The following FLT1 variants were observed in gnomAD, a reference collection of about 807,000 sequenced individuals.
FLT1 encodes vascular endothelial growth factor receptor 1.
In FLT1, 49 loss-of-function variants were observed where a neutral mutation model predicts 156.3. The ratio of observed to expected loss-of-function variants is 0.31; its 90% confidence interval spans 0.25 to 0.40. FLT1 has a LOEUF of 0.40. FLT1 is among the 10% of genes least tolerant of loss of function. The pLI is 1.00. For missense variants in FLT1, 1,322 were observed against 1,637.2 expected, an observed-to-expected ratio of 0.81 and a Z score of 3.32; for synonymous variants, 594 against 583.8, an observed-to-expected ratio of 1.02 and a Z score of -0.25.
At chr13:28,459,621 C>A (rs1879453102) in intron 3 of FLT1, among the ~76,000 whole-genome samples, 2 of 152,182 alleles carry the variant, frequency 1.3e-5, no homozygotes, top group South Asian at 4.1e-4. Flanking sequence ...GAAATCTATG[C>A]CTAAAAAATT....
chr13:28,342,565 G>T (rs1333178473), intron 16 of FLT1, among the ~76,000 whole-genome samples: 1 of 152,026 alleles, frequency 6.6e-6, no homozygotes, highest in Non-Finnish European at 1.5e-5. Flanking sequence ...TACCATAGAG[G>T]ATGGCTGCTG....
intron 10 of FLT1, among the ~76,000 whole-genome samples, chr13:28,411,019 G>A (rs1258697563): frequency 6.6e-6 from 1 of 152,032 alleles, no homozygotes; most frequent in Non-Finnish European, 1.5e-5. Context: ...AAACTCTGGG[G>A]GGCCTCTAAA....
chr13:28,328,951 C>T (rs917299390), intron 19 of FLT1, among the ~76,000 whole-genome samples: 2 of 152,214 alleles, frequency 1.3e-5, no homozygotes, highest in Non-Finnish European at 1.5e-5. Context: ...TAGCTCCTCT[C>T]TAACCACCTC....
intron 14 of FLT1, among the ~76,000 whole-genome samples, chr13:28,360,425 T>C (rs1410203243): frequency 2.6e-5 from 4 of 152,222 alleles, no homozygotes; most frequent in African/African-American, 7.2e-5. Flanking sequence ...AGCCAAGATA[T>C]GGAGGCAACC....
Position 28,332,700 on chromosome 13 carries a change from A to G in FLT1, c.2593+1325T>C, listed in dbSNP as rs184251338. ...GCAGCTGTGTGGCCTTGCAGAGGCT[A>G]TTTAACCTTTCTTGGCCATGTTTCC... On this transcript the variant is annotated intron_variant, in intron 18 of 29. Coordinates refer to ENST00000282397, the MANE Select transcript of FLT1 (RefSeq NM_002019.4). Among the ~76,000 whole-genome samples, 300 of 152,312 alleles carry G rather than the reference A, an allele frequency of 2.0e-3. 1 individual carries two copies. Among genetic ancestry groups the G allele is most frequent in the Non-Finnish European group, 2.2e-3 (151 of 68,018 alleles).
At chr13:28,311,933 A>G in intron 26 of FLT1, 60 bp downstream of exon 26, 1 of 1,264,792 alleles carries the variant, frequency 7.9e-7, no homozygotes, top group Non-Finnish European at 1.1e-6. Context: ...AAAAAAACAA[A>G]TAAAATGCCC....
chr13:28,362,053 G>A (rs181361365), intron 14 of FLT1, among the ~76,000 whole-genome samples: 31 of 152,348 alleles, frequency 2.0e-4, no homozygotes, highest in African/African-American at 7.2e-4. Context: ...AATCTGGATG[G>A]TGGGAAAGGA....
intron 1 of FLT1, among the ~76,000 whole-genome samples, chr13:28,494,525 C>A (rs999009679): frequency 6.6e-6 from 1 of 152,182 alleles, no homozygotes; most frequent in Admixed American, 6.5e-5. Context: ...AACGGACAGC[C>A]CCAGCGCGGA....
At chr13:28,446,475 T>A (rs1878624764) in intron 3 of FLT1, among the ~76,000 whole-genome samples, 2 of 152,238 alleles carry the variant, frequency 1.3e-5, no homozygotes, top group Admixed American at 6.5e-5. Context: ...GGATACAATG[T>A]ACAAAATGAA....
chr13:28,345,007 C>G (rs890491908), intron 16 of FLT1, among the ~76,000 whole-genome samples: 1 of 151,608 alleles, frequency 6.6e-6, no homozygotes, highest in Non-Finnish European at 1.5e-5. Flanking sequence ...CTTACTATAT[C>G]GGACAGGCTG....
chr13:28,411,375 A>G (rs1248293659), intron 10 of FLT1, among the ~76,000 whole-genome samples: 1 of 151,794 alleles, frequency 6.6e-6, no homozygotes, highest in Non-Finnish European at 1.5e-5. Flanking sequence ...CAATATGGAG[A>G]AACCCTGTCT....
chr13:28,315,807 G>A (rs891930609), intron 25 of FLT1, among the ~76,000 whole-genome samples: 2 of 152,126 alleles, frequency 1.3e-5, no homozygotes, highest in Non-Finnish European at 2.9e-5. Flanking sequence ...TGAGGAACGT[G>A]GGGTCTGTTC....
rs750340870 is a variant in FLT1 at position 28,308,841 on chromosome 13, AC to A, written c.3720+1del. ...ACTAGGTACCTTAACTTCACGACTT[AC>A]ATCAAACATGGAGGTGGCATTCGGT... is the stretch of plus-strand genomic sequence containing the variant. On this transcript the variant is annotated splice_donor_variant, in intron 28 of 29. Transcript: ENST00000282397. LOFTEE classifies it high-confidence loss of function. 1 of 1,602,590 alleles carries A rather than the reference AC, an allele frequency of 6.2e-7. No individual in the cohort carries two copies. Among genetic ancestry groups the A allele is most frequent in the South Asian group, 1.1e-5 (1 of 90,826 alleles).
Position 28,308,759 on chromosome 13 carries a change from C to T in FLT1, c.3720+84G>A, listed in dbSNP as rs1038026545. The T allele has an allele frequency of 4.7e-6, 4 of 857,998 alleles. No homozygotes were observed. In the East Asian group the frequency reaches 7.3e-5, roughly 16 times the overall value. The allele number at this position is 857,998 out of a possible 1,614,324, so 53.1% of individuals were successfully genotyped here. A position where few individuals can be genotyped will look rare whatever the true frequency, so the allele number is the denominator to read the frequency against. Reference sequence around the variant, plus strand: ...CCAGACCCTCACTGACCAAGAACTACTACATTACTGGCGTTGGTGTTTGGA... The same window carrying T: ...CCAGACCCTCACTGACCAAGAACTATTACATTACTGGCGTTGGTGTTTGGA... On this transcript the variant is annotated intron_variant, in intron 28 of 29. Coordinates refer to ENST00000282397, the MANE Select transcript of FLT1 (RefSeq NM_002019.4).
intron 10 of FLT1, among the ~76,000 whole-genome samples, chr13:28,406,758 G>C (rs1304035872): frequency 6.6e-6 from 1 of 152,058 alleles, no homozygotes; most frequent in African/African-American, 2.4e-5. Context: ...CAATCCTGCC[G>C]CTTCAGCCTG....
chr13:28,367,622 AC>A (rs1392477248), intron 14 of FLT1, among the ~76,000 whole-genome samples: 3 of 152,228 alleles, frequency 2.0e-5, no homozygotes, highest in African/African-American at 7.2e-5. Flanking sequence ...AATCCAATTC[AC>A]CATTGAGTAA....
At chr13:28,368,618 A>C in intron 14 of FLT1, 1 of 1,374,180 alleles carries the variant, frequency 7.3e-7, no homozygotes, top group Non-Finnish European at 1.0e-6. Flanking sequence ...TGATGATGAC[A>C]ATGGTGATGA....
At chr13:28,368,398 T>G in intron 14 of FLT1, 1 of 1,280,684 alleles carries the variant, frequency 7.8e-7, no homozygotes, top group Non-Finnish European at 1.0e-6. Context: ...ATGATCCACC[T>G]GCCTTGGCCT....
intron 3 of FLT1, among the ~76,000 whole-genome samples, chr13:28,443,618 A>G (rs776027263): frequency 2.0e-5 from 3 of 152,206 alleles, no homozygotes; most frequent in Non-Finnish European, 4.4e-5. Flanking sequence ...AAAGGAGGGT[A>G]TGATTTTCAT....
Sources: gnomAD v4.1 joint callset for allele counts (sites outside exome capture counted in the v4.1 genomes callset) on GRCh38, gnomAD v4.1.1 for gene constraint, MANE v1.5 for transcripts, NCBI Gene and HGNC (gene_info 2026-07-23, HGNC 2026-07-21) for gene names.